Variants in NOPCHAP1 observed in about 807,000 individuals in gnomAD.
The protein encoded by NOPCHAP1 is NOP protein chaperone 1, also known as DNA damage-sensitive RNA 1.
A neutral mutation model predicts 14.0 loss-of-function variants in NOPCHAP1; 13 were observed. That is an observed-to-expected ratio of 0.93 (90% CI 0.60 to 1.47). The LOEUF is 1.47. Among genes scored for constraint, NOPCHAP1 ranks in the 40% most tolerant of loss-of-function variants. NOPCHAP1 has a pLI of 0.00. For missense variants in NOPCHAP1, 230 were observed against 226.9 expected (o/e 1.01, Z -0.09); for synonymous variants, 78 against 78.4 (o/e 1.00, Z 0.03).
In NOPCHAP1 at chr12:105,006,973, G is replaced by T. The variant is rs1162621141; in HGVS notation, c.*12277G>T. 2 of 151,414 alleles carry T rather than the reference G, an allele frequency of 1.3e-5. No individual in the cohort carries two copies. Among genetic ancestry groups the T allele is most frequent in the East Asian group, 3.9e-4 (2 of 5,186 alleles). The allele number at this position is 151,414 out of a possible 1,614,324, so 9.4% of individuals were successfully genotyped here. A position where few individuals can be genotyped will look rare whatever the true frequency, so the allele number is the denominator to read the frequency against. On this transcript the variant is annotated 3_prime_UTR_variant, in exon 4 of 4. Coordinates refer to ENST00000552951, the MANE Select transcript of NOPCHAP1 (RefSeq NM_152318.3). ...TCCATGATTTTTTTATTGGCACCTG[G>T]GAACTTGGCTGGTGCCTCTTGGTCA...
In NOPCHAP1 at chr12:105,002,586, G is replaced by T. The variant is rs1224688083; in HGVS notation, c.*7890G>T. The T allele has an allele frequency of 1.3e-5, 2 of 152,100 alleles. No individual in the cohort carries two copies. The highest frequency in any genetic ancestry group is 1.3e-4 in the Admixed American group (2 of 15,276). 9.4% of individuals were successfully genotyped at this position (152,100 alleles called of 1,614,324 possible). A position where few individuals can be genotyped will look rare whatever the true frequency, so the allele number is the denominator to read the frequency against. On this transcript the variant is annotated 3_prime_UTR_variant, in exon 4 of 4. Transcript: ENST00000552951. ...AAAATCTTAGGAATTGAATTTTAAA[G>T]GTTTTCAACAATTTTTCTAGGTCTC...
At chr12:104,992,601 A>G (rs1276918983) in intron 3 of NOPCHAP1, among the ~76,000 whole-genome samples, 1 of 152,004 alleles carries the variant, frequency 6.6e-6, no homozygotes, top group Non-Finnish European at 1.5e-5. Flanking sequence ...GAGGTTCCCA[A>G]CCCCCAGGCT....
In NOPCHAP1 at chr12:105,003,908, G is replaced by A. The variant is rs1298581355; in HGVS notation, c.*9212G>A. The A allele has an allele frequency of 6.6e-6, 1 of 152,182 alleles. No homozygotes were observed. Among genetic ancestry groups the A allele is most frequent in the Admixed American group, 6.5e-5 (1 of 15,280 alleles). 9.4% of individuals were successfully genotyped at this position (152,182 alleles called of 1,614,324 possible). A position where few individuals can be genotyped will look rare whatever the true frequency, so the allele number is the denominator to read the frequency against. On this transcript the variant is annotated 3_prime_UTR_variant, in exon 4 of 4. Coordinates refer to ENST00000552951, the MANE Select transcript of NOPCHAP1 (RefSeq NM_152318.3). ...GACTGGCTGAAGCTCACCTGTTTCT[G>A]TCTGGCTTAAACCTAGCTATTCGTT...
intron 3 of NOPCHAP1, among the ~76,000 whole-genome samples, chr12:104,993,200 T>C (rs942238756): frequency 4.6e-5 from 7 of 152,198 alleles, no homozygotes; most frequent in Non-Finnish European, 1.0e-4. Context: ...CTTTCGCCTC[T>C]GGAACAAGAG....
intron 1 of NOPCHAP1, among the ~76,000 whole-genome samples, chr12:104,987,290 A>G (rs542602112): frequency 6.6e-6 from 1 of 152,364 alleles, no homozygotes; most frequent in Non-Finnish European, 1.5e-5. Context: ...AACCCTTTGC[A>G]GAAAATCTGT....
At chr12:104,994,400 G>T in intron 3 of NOPCHAP1, 78 bp from the exon 4 acceptor site, 1 of 1,285,194 alleles carries the variant, frequency 7.8e-7, no homozygotes, top group South Asian at 1.2e-5. Context: ...CTGAATGTTG[G>T]TTCTTCCCAA....
rs1873725649 is a variant in NOPCHAP1, at chr12:105,007,199, A to G, written c.*12503A>G. ...GTAGCCTTTTTGATAGCAATCCTGTACCCACATAAAAGCTGCATTTTCAAT... is the reference window on the plus strand; with the variant it reads ...GTAGCCTTTTTGATAGCAATCCTGTGCCCACATAAAAGCTGCATTTTCAAT... On this transcript the variant is annotated 3_prime_UTR_variant, in exon 4 of 4. Transcript: ENST00000552951. 6.6e-6 allele frequency: 1 copy of G among 152,104 alleles called. No individual in the cohort carries two copies. The highest frequency in any genetic ancestry group is 2.1e-4 in the South Asian group (1 of 4,828). 9.4% of individuals were successfully genotyped at this position (152,104 alleles called of 1,614,324 possible). A position where few individuals can be genotyped will look rare whatever the true frequency, so the allele number is the denominator to read the frequency against.
rs1034521583 is a variant in NOPCHAP1, at chr12:105,001,601, A to G, written c.*6905A>G. On this transcript the variant is annotated 3_prime_UTR_variant, in exon 4 of 4. Transcript: ENST00000552951. ...TATATGCCCTTTTGCCTTGGAGAGC[A>G]AGTCTTGCCCCAGCAGATTTACTGG... 13 of 152,198 alleles carry G rather than the reference A, an allele frequency of 8.5e-5. No individual in the cohort carries two copies. The highest frequency in any genetic ancestry group is 3.1e-4 in the African/African-American group (13 of 41,454). 9.4% of individuals were successfully genotyped at this position (152,198 alleles called of 1,614,324 possible). A position where few individuals can be genotyped will look rare whatever the true frequency, so the allele number is the denominator to read the frequency against.
intron 2 of NOPCHAP1, among the ~76,000 whole-genome samples, chr12:104,990,891 A>G (rs570486928): frequency 4.6e-5 from 7 of 152,346 alleles, no homozygotes; most frequent in Admixed American, 2.0e-4. Context: ...CTCCAGGCAC[A>G]GTAGATTTCA....
rs1197558592 is a variant in NOPCHAP1 at position 105,011,568 on chromosome 12, C to T, written c.*16872C>T. 1 of 152,116 alleles carries T rather than the reference C, an allele frequency of 6.6e-6. No individual in the cohort carries two copies. Among genetic ancestry groups the T allele is most frequent in the Non-Finnish European group, 1.5e-5 (1 of 68,026 alleles). The allele number at this position is 152,116 out of a possible 1,614,324, so 9.4% of individuals were successfully genotyped here. ...TGGTTATTTTTCCCATTAATTGATG[C>T]AGTTTCTTCATAGTGTTGATGGTCC... On this transcript the variant is annotated 3_prime_UTR_variant, in exon 4 of 4. Coordinates refer to ENST00000552951, the MANE Select transcript of NOPCHAP1 (RefSeq NM_152318.3).
rs541802518 is a variant in NOPCHAP1 at position 105,004,250 on chromosome 12, A to G, written c.*9554A>G. 2 of 152,236 alleles carry G rather than the reference A, an allele frequency of 1.3e-5. No individual in the cohort carries two copies. The highest frequency in any genetic ancestry group is 3.9e-4 in the East Asian group (2 of 5,172). The allele number at this position is 152,236 out of a possible 1,614,324, so 9.4% of individuals were successfully genotyped here. ...TTAGCATCTTTTTTCTTCAGCATGG[A>G]TTTCAGAAACATCAATTTTATTTTA... On this transcript the variant is annotated 3_prime_UTR_variant, in exon 4 of 4. Transcript: ENST00000552951.
chr12:105,016,840 G>A lies in NOPCHAP1; in HGVS notation c.*22144G>A, dbSNP rs948689901. The A allele has an allele frequency of 1.3e-5, 2 of 152,150 alleles. No homozygotes were observed. The highest frequency in any genetic ancestry group is 4.8e-5 in the African/African-American group (2 of 41,422). The allele number at this position is 152,150 out of a possible 1,614,324, so 9.4% of individuals were successfully genotyped here. A position where few individuals can be genotyped will look rare whatever the true frequency, so the allele number is the denominator to read the frequency against. Reference sequence around the variant, plus strand: ...GCCTTATATAAAAGTTGTTTTGTTTGTAAGCAGTTTGCCCTACAGTGTGTG... The same window carrying A: ...GCCTTATATAAAAGTTGTTTTGTTTATAAGCAGTTTGCCCTACAGTGTGTG... On this transcript the variant is annotated 3_prime_UTR_variant, in exon 4 of 4. Transcript: ENST00000552951.
rs546826958 is a variant in NOPCHAP1 at position 105,008,558 on chromosome 12, A to G, written c.*13862A>G. The stretch of plus-strand genomic sequence containing the variant: ...GTGTTTAGTCATGAAGTCTCTGCCA[A>G]TGTCTGTGTCCTAAATGGTATTGCC... On this transcript the variant is annotated 3_prime_UTR_variant, in exon 4 of 4. Coordinates refer to ENST00000552951, the MANE Select transcript of NOPCHAP1 (RefSeq NM_152318.3). The G allele has an allele frequency of 6.6e-6, 1 of 152,130 alleles. No individual in the cohort carries two copies. The highest frequency in any genetic ancestry group is 1.5e-5 in the Non-Finnish European group (1 of 68,030). The allele number at this position is 152,130 out of a possible 1,614,324, so 9.4% of individuals were successfully genotyped here.
At position 104,991,787 on chromosome 12, in the gene NOPCHAP1, C is replaced by T. The variant is rs191930196; in HGVS notation, c.278C>T (p.Ala93Val). The T allele has an allele frequency of 1.9e-6, 3 of 1,613,652 alleles. No homozygotes were observed. Among genetic ancestry groups the T allele is most frequent in the East Asian group, 2.2e-5 (1 of 44,848 alleles). ...NEKLRKEMAAAPPGRFNIENI... is the reference protein window; with the variant it reads ...NEKLRKEMAAVPPGRFNIENI... ...AAGCTAAGAAAAGAAATGGCAGCTG[C>T]ACCACCTGGTCGTTTCAATATTGAA... Residue 93 changes from alanine (A) to valine (V), a missense_variant, in exon 3 of 4, where the codon GCA becomes GTA. By Grantham distance (64) the Ala-to-Val change is moderately conservative. Transcript: ENST00000552951.
rs760742787 is a variant in NOPCHAP1, at chr12:105,009,355, A to G, written c.*14659A>G. 27 of 152,200 alleles carry G rather than the reference A, an allele frequency of 1.8e-4. No homozygotes were observed. Among genetic ancestry groups the G allele is most frequent in the Non-Finnish European group, 3.5e-4 (24 of 68,028 alleles). The allele number at this position is 152,200 out of a possible 1,614,324, so 9.4% of individuals were successfully genotyped here. On this transcript the variant is annotated 3_prime_UTR_variant, in exon 4 of 4. Coordinates refer to ENST00000552951, the MANE Select transcript of NOPCHAP1 (RefSeq NM_152318.3). ...TTTTGCTGAAATTGCTTATCAGCTT[A>G]AGGAGTTTTTGGGCTAAGATGATGG... is the stretch of plus-strand genomic sequence containing the variant.
In NOPCHAP1 at chr12:105,000,712, G is replaced by T. The variant is rs1873591849; in HGVS notation, c.*6016G>T. 1 of 152,018 alleles carries T rather than the reference G, an allele frequency of 6.6e-6. No individual in the cohort carries two copies. Among genetic ancestry groups the T allele is most frequent in the Non-Finnish European group, 1.5e-5 (1 of 68,002 alleles). 9.4% of individuals were successfully genotyped at this position (152,018 alleles called of 1,614,324 possible). On this transcript the variant is annotated 3_prime_UTR_variant, in exon 4 of 4. Transcript: ENST00000552951. ...GGTTTGAGGGCAGTGTTTCACTGAT[G>T]TTGTTTTCAGAAGACCCAATCTCCA...
At position 105,014,435 on chromosome 12, in the gene NOPCHAP1, A is replaced by C. The variant is rs565290627; in HGVS notation, c.*19739A>C. 18 of 152,224 alleles carry C rather than the reference A, an allele frequency of 1.2e-4. No homozygotes were observed. Among genetic ancestry groups the C allele is most frequent in the Non-Finnish European group, 2.2e-4 (15 of 68,040 alleles). 9.4% of individuals were successfully genotyped at this position (152,224 alleles called of 1,614,324 possible). A position where few individuals can be genotyped will look rare whatever the true frequency, so the allele number is the denominator to read the frequency against. On this transcript the variant is annotated 3_prime_UTR_variant, in exon 4 of 4. Coordinates refer to ENST00000552951, the MANE Select transcript of NOPCHAP1 (RefSeq NM_152318.3). Reference sequence around the variant, plus strand: ...ACAAATCTCCAAAAATGTTAAAAATATATTTATTGAAAATAATCCATGTAT... The same window carrying C: ...ACAAATCTCCAAAAATGTTAAAAATCTATTTATTGAAAATAATCCATGTAT...
In NOPCHAP1 at chr12:104,986,390, G is replaced by A; in HGVS notation, c.38G>A (p.Cys13Tyr). Residue 13 changes from cysteine to tyrosine, a missense_variant, in exon 1 of 4, where the codon TGT becomes TAT. Cys to Tyr is a radical substitution (Grantham distance 194). Transcript: ENST00000552951. ...VHGKPKASPS[C>Y]SSPTRDSSGV... is the part of the protein sequence containing the mutation. Reference sequence around the variant, plus strand: ...GGCAAGCCCAAGGCTAGCCCGAGTTGTTCGTCGCCCACCCGGGATTCCTCA... The same window carrying A: ...GGCAAGCCCAAGGCTAGCCCGAGTTATTCGTCGCCCACCCGGGATTCCTCA... The A allele has an allele frequency of 6.2e-7, 1 of 1,611,854 alleles. No homozygotes were observed. Among genetic ancestry groups the A allele is most frequent in the South Asian group, 1.1e-5 (1 of 90,506 alleles).
chr12:105,005,946 C>T lies in NOPCHAP1; in HGVS notation c.*11250C>T, dbSNP rs1358964101. ...TCTGATACTGATGCTTCTCCATCTT[C>T]CTCATCGTCTGGCACTGTGGCTCAG... On this transcript the variant is annotated 3_prime_UTR_variant, in exon 4 of 4. Coordinates refer to ENST00000552951, the MANE Select transcript of NOPCHAP1 (RefSeq NM_152318.3). 1.3e-5 allele frequency: 2 copies of T among 152,292 alleles called. No homozygotes were observed. The highest frequency in any genetic ancestry group is 2.9e-5 in the Non-Finnish European group (2 of 68,036). The allele number at this position is 152,292 out of a possible 1,614,324, so 9.4% of individuals were successfully genotyped here.
Sources: allele counts gnomAD v4.1 joint callset (sites outside exome capture counted in the v4.1 genomes callset), GRCh38; gene constraint gnomAD v4.1.1; transcripts MANE v1.5; gene names NCBI Gene and HGNC (gene_info 2026-07-23, HGNC 2026-07-21).